The following CFAP47 variants were observed in gnomAD, a reference collection of about 807,000 sequenced individuals.
CFAP47 encodes the protein cilia and flagella associated protein 47.
CFAP47 carries 29 observed loss-of-function variants against 148.1 expected under a neutral mutation model. That is an observed-to-expected ratio of 0.20 (90% CI 0.15 to 0.27). The LOEUF (loss-of-function observed/expected upper bound fraction) is 0.27. Among genes scored for constraint, CFAP47 ranks in the 10% least tolerant of loss-of-function variants. The pLI is 1.00. For missense variants in CFAP47, 1,872 were observed against 1,697.5 expected (o/e 1.10, Z -1.81); for synonymous variants, 664 against 577.3 (o/e 1.15, Z -2.15).
At chrX:35,935,483 C>T (rs1313245192) in intron 2 of CFAP47, among the ~76,000 whole-genome samples, 1 of 110,943 alleles carries the variant, frequency 9.0e-6, no homozygotes, top group Non-Finnish European at 1.9e-5. Context: ...ACTGTGTTTC[C>T]TACACTCTTG....
chrX:36,253,860 C>T (rs1369181006), intron 49 of CFAP47, among the ~76,000 whole-genome samples: 4 of 111,617 alleles, frequency 3.6e-5, no homozygotes, highest in Non-Finnish European at 7.5e-5. Context: ...TTGGAACCTC[C>T]CAACAATTTA....
intron 56 of CFAP47, among the ~76,000 whole-genome samples, chrX:36,311,721 A>G (rs1556010047): frequency 9.0e-6 from 1 of 111,298 alleles, no homozygotes; most frequent in East Asian, 2.8e-4. Flanking sequence ...TGCAATTAGA[A>G]GTATAATATA....
rs370563519 is a variant in CFAP47, at chrX:35,989,544, T to C, written c.2844+95T>C. The C allele has an allele frequency of 2.6e-5, 31 of 1,199,827 alleles. No homozygotes were observed. The African/African-American group carries it at 5.3e-4, about 20-fold the overall frequency. ...ATAGTTACCTATATCTAGAATTAACTGTAAAACCCAAGACTTTCATGCAAC... is the reference window on the plus strand; with the variant it reads ...ATAGTTACCTATATCTAGAATTAACCGTAAAACCCAAGACTTTCATGCAAC... On this transcript the variant is annotated intron_variant, in intron 16 of 63. Coordinates refer to ENST00000378653, the MANE Select transcript of CFAP47 (RefSeq NM_001304548.2).
At chrX:36,109,713 A>G (rs753419124) in intron 33 of CFAP47, among the ~76,000 whole-genome samples, 32 of 111,340 alleles carry the variant, frequency 2.9e-4, no homozygotes, top group Admixed American at 2.8e-3. Context: ...TGACCTCGTG[A>G]TCCACCCACA....
chrX:36,073,311 C>A lies in CFAP47; in HGVS notation c.4638C>A (p.Leu1546=). The A allele has an allele frequency of 8.3e-7, 1 of 1,210,344 alleles. No individual in the cohort carries two copies. Among genetic ancestry groups the A allele is most frequent in the Middle Eastern group, 2.3e-4 (1 of 4,350 alleles). The stretch of plus-strand genomic sequence containing the variant: ...ATGCAGCACAGACCTGGTTCAGTCT[C>A]TTTGGCTGGCCTGAAGGACCCCATT... The part of the protein sequence containing the change: ...VVNAAQTWFS[L]FGWPEGPHSF... Residue 1546 remains leucine, a synonymous_variant, in exon 29 of 64, where the codon CTC becomes CTA. Transcript: ENST00000378653.
chrX:36,027,110 GTGATTATATATATA>G (rs200449147), intron 22 of CFAP47, among the ~76,000 whole-genome samples: 13,303 of 100,001 alleles, frequency 0.13, 1,044 homozygotes, highest in East Asian at 0.28. Flanking sequence ...TTATATATAT[GTGATTATATATATA>G]TGATTATATA....
intron 39 of CFAP47, among the ~76,000 whole-genome samples, chrX:36,162,681 T>A (rs1939445307): frequency 8.9e-6 from 1 of 111,923 alleles, no homozygotes; most frequent in Admixed American, 9.5e-5. Flanking sequence ...TAGGATTAGC[T>A]GACCAGGTTG....
chrX:36,198,859 T>A (rs1939946673), intron 42 of CFAP47, among the ~76,000 whole-genome samples: 1 of 111,605 alleles, frequency 9.0e-6, no homozygotes, highest in Non-Finnish European at 1.9e-5. Context: ...CAGGGATCCA[T>A]TTAGTTAGTT....
At chrX:36,245,482 A>G (rs148202918) in intron 48 of CFAP47, among the ~76,000 whole-genome samples, 2 of 112,351 alleles carry the variant, frequency 1.8e-5, no homozygotes, top group East Asian at 5.6e-4. Context: ...AAAAAACTTT[A>G]ATAGAGTTTT....
chrX:36,236,037 A>G lies in CFAP47; in HGVS notation c.7118A>G (p.Tyr2373Cys). 2 of 511,981 alleles carry G rather than the reference A, an allele frequency of 3.9e-6. No homozygotes were observed. The allele number at this position is 511,981 out of a possible 1,213,427, so 42.2% of individuals were successfully genotyped here. A position where few individuals can be genotyped will look rare whatever the true frequency, so the allele number is the denominator to read the frequency against. Residue 2373 changes from tyrosine (Y) to cysteine (C), a missense_variant, in exon 47 of 64, where the codon TAT becomes TGT. Transcript: ENST00000378653. ...LHVGPDEIVE[Y>C]PLTFKPIFEC... ...GTTGGACCAGATGAAATTGTGGAGT[A>G]TCCTCTCACATTCAAACCTATTTTT...
chrX:36,305,671 G>C (rs963329186), intron 54 of CFAP47, among the ~76,000 whole-genome samples: 1 of 111,312 alleles, frequency 9.0e-6, no homozygotes, highest in Non-Finnish European at 1.9e-5. Context: ...AATATATAGA[G>C]AGAAATATCC....
At chrX:36,237,795 C>G (rs1940488854) in intron 48 of CFAP47, among the ~76,000 whole-genome samples, 1 of 111,783 alleles carries the variant, frequency 8.9e-6, no homozygotes, top group Non-Finnish European at 1.9e-5. Context: ...ATTATAGGTG[C>G]CTGAATTCAA....
At chrX:36,173,158 T>A (rs1244481432) in intron 39 of CFAP47, among the ~76,000 whole-genome samples, 1 of 111,930 alleles carries the variant, frequency 8.9e-6, no homozygotes, top group Non-Finnish European at 1.9e-5. Flanking sequence ...CCCTTTATCA[T>A]TTTTTATTGT....
chrX:36,223,877 G>T (rs782677201), intron 45 of CFAP47, among the ~76,000 whole-genome samples: 1 of 111,287 alleles, frequency 9.0e-6, no homozygotes, highest in Admixed American at 9.6e-5. Context: ...ATTGAAAGAG[G>T]TTAAGAAGTT....
intron 26 of CFAP47, among the ~76,000 whole-genome samples, chrX:36,050,082 T>C (rs1467385943): frequency 9.0e-6 from 1 of 111,720 alleles, no homozygotes; most frequent in African/African-American, 3.3e-5. Flanking sequence ...GTGAGTCCAT[T>C]AAACCTCTTT....
Position 36,235,998 on chromosome X carries a change from C to T in CFAP47, c.7079C>T (p.Pro2360Leu). 1 of 514,990 alleles carries T rather than the reference C, an allele frequency of 1.9e-6. No homozygotes were observed. The highest frequency in any genetic ancestry group is 3.5e-6 in the Non-Finnish European group (1 of 282,912). The allele number at this position is 514,990 out of a possible 1,213,427, so 42.4% of individuals were successfully genotyped here. A position where few individuals can be genotyped will look rare whatever the true frequency, so the allele number is the denominator to read the frequency against. Residue 2360 changes from proline (P) to leucine (L), a missense_variant, in exon 47 of 64, where the codon CCT (proline) becomes CTT (leucine). Transcript: ENST00000378653. ...VTIEGEWFYGPVDLHVGPDEI... is the reference protein window; with the variant it reads ...VTIEGEWFYGLVDLHVGPDEI... ...ATAGAAGGAGAATGGTTTTATGGAC[C>T]TGTTGATTTACATGTTGGACCAGAT...
At chrX:36,272,033 A>G (rs1476417299) in intron 49 of CFAP47, among the ~76,000 whole-genome samples, 1 of 112,109 alleles carries the variant, frequency 8.9e-6, no homozygotes, top group East Asian at 2.8e-4. Context: ...CACTATAGAC[A>G]TCTTAATTTG....
chrX:36,075,426 C>T (rs930064191), intron 29 of CFAP47, among the ~76,000 whole-genome samples: 5 of 110,953 alleles, frequency 4.5e-5, no homozygotes, highest in Non-Finnish European at 9.4e-5. Context: ...CAGGGTTTCA[C>T]TATGTTGGCC....
At chrX:36,040,589 A>G (rs1398594545) in intron 25 of CFAP47, among the ~76,000 whole-genome samples, 1 of 111,979 alleles carries the variant, frequency 8.9e-6, no homozygotes, top group Non-Finnish European at 1.9e-5. Flanking sequence ...GGTTGACATA[A>G]TATAGACTAT....
Sources: allele counts gnomAD v4.1 joint callset (sites outside exome capture counted in the v4.1 genomes callset), GRCh38; gene constraint gnomAD v4.1.1; transcripts MANE v1.5; gene names NCBI Gene and HGNC (gene_info 2026-07-23, HGNC 2026-07-21).